The following SEMA6A variants were observed in gnomAD, a reference collection of about 807,000 sequenced individuals.
The protein encoded by SEMA6A is semaphorin 6A, also known as semaphorin-6A.
In SEMA6A, 25 loss-of-function variants were observed where a neutral mutation model predicts 96.8. The observed-to-expected ratio is 0.26, with a 90% CI of 0.19 to 0.36. The LOEUF (loss-of-function observed/expected upper bound fraction) is 0.36. SEMA6A is among the 10% of genes least tolerant of loss of function. The pLI is 1.00. For missense variants in SEMA6A, 1,363 were observed against 1,323.1 expected (o/e 1.03, Z -0.47); for synonymous variants, 612 against 518.0 (o/e 1.18, Z -2.46).
Position 116,514,357 on chromosome 5 carries a change from G to T in SEMA6A, c.-38-9375C>A, listed in dbSNP as rs191678875. ...TGGTATCTGATTGTGGTTTTGATTTGCATTTCTCTAATGATCAGTGATTTT... is the reference window on the plus strand; with the variant it reads ...TGGTATCTGATTGTGGTTTTGATTTTCATTTCTCTAATGATCAGTGATTTT... On this transcript the variant is annotated intron_variant, in intron 1 of 18. Coordinates refer to ENST00000343348, the MANE Select transcript of SEMA6A (RefSeq NM_020796.5). Among the ~76,000 whole-genome samples the T allele has an allele frequency of 3.6e-3, 546 of 151,824 alleles. 3 individuals are homozygous for T. The highest frequency in any genetic ancestry group is 5.4e-3 in the Non-Finnish European group (366 of 67,926).
At chr5:116,572,632 T>G (rs1225029359) in intron 1 of SEMA6A, among the ~76,000 whole-genome samples, 4 of 152,182 alleles carry the variant, frequency 2.6e-5, no homozygotes, top group African/African-American at 9.6e-5. Flanking sequence ...CACACGCACC[T>G]TCCCCACAGC....
chr5:116,475,196 C>T lies in SEMA6A; in HGVS notation c.1708+349G>A, dbSNP rs984555531. Among the ~76,000 whole-genome samples, 9 of 152,146 alleles carry T rather than the reference C, an allele frequency of 5.9e-5. No individual in the cohort carries two copies. In the South Asian group the frequency reaches 6.2e-4, roughly 11 times the overall value. On this transcript the variant is annotated intron_variant, in intron 16 of 18. Transcript: ENST00000343348. ...AATGATCAATCTTATTATTATTTGG[C>T]GGAAAATGACAGTATAAAAGCATGT...
chr5:116,510,976 G>A (rs1010594436), intron 1 of SEMA6A, among the ~76,000 whole-genome samples: 3 of 152,194 alleles, frequency 2.0e-5, no homozygotes, highest in East Asian at 1.9e-4. Flanking sequence ...GCAACCCAGA[G>A]AGACAGGCCT....
At chr5:116,522,816 C>T (rs1390525149) in intron 1 of SEMA6A, among the ~76,000 whole-genome samples, 1 of 152,048 alleles carries the variant, frequency 6.6e-6, no homozygotes, top group East Asian at 1.9e-4. Flanking sequence ...TCTTCCTGTT[C>T]ATTTCCTATG....
At position 116,495,482 on chromosome 5, in the gene SEMA6A, T is replaced by C. The variant is rs763011339; in HGVS notation, c.375A>G (p.Leu125=). The C allele has an allele frequency of 1.9e-6, 3 of 1,606,422 alleles. No homozygotes were observed. In the Admixed American group the frequency reaches 5.1e-5, roughly 27 times the overall value. The part of the protein sequence containing the change: ...DECHNFIKVL[L]KKNDDALFVC... ...CAAACAATGCATCATCGTTTTTCTTTAGAAGAACTTTAATAAAGTTGTGGC... is the reference window on the plus strand; with the variant it reads ...CAAACAATGCATCATCGTTTTTCTTCAGAAGAACTTTAATAAAGTTGTGGC... Residue 125 remains leucine, a synonymous_variant, in exon 6 of 19, where the codon CTA becomes CTG. Transcript: ENST00000343348.
rs1036766659 is a variant in SEMA6A, at chr5:116,487,947, C to T, written c.744+161G>A. Reference sequence around the variant, plus strand: ...ATAGAAATACTTAAGAAATTTCCTGCGATTTCGTTACTGTTCTGAAACAGC... The same window carrying T: ...ATAGAAATACTTAAGAAATTTCCTGTGATTTCGTTACTGTTCTGAAACAGC... On this transcript the variant is annotated intron_variant, in intron 9 of 18. Coordinates refer to ENST00000343348, the MANE Select transcript of SEMA6A (RefSeq NM_020796.5). 1.1e-4 allele frequency among the ~76,000 whole-genome samples: 17 copies of T among 152,262 alleles called. No homozygotes were observed. The East Asian group carries it at 1.3e-3, about 12-fold the overall frequency.
intron 18 of SEMA6A, among the ~76,000 whole-genome samples, chr5:116,451,302 G>A (rs1473971825): frequency 6.6e-6 from 1 of 152,212 alleles, no homozygotes; most frequent in Non-Finnish European, 1.5e-5. Context: ...CTCACAGAGG[G>A]CTTCCAAGTG....
At chr5:116,534,384 A>C (rs185671846) in intron 1 of SEMA6A, among the ~76,000 whole-genome samples, 540 of 152,312 alleles carry the variant, frequency 3.5e-3, no homozygotes, top group Non-Finnish European at 6.0e-3. Context: ...TACATGGCTC[A>C]CAACTCTGAT....
At position 116,480,248 on chromosome 5, in the gene SEMA6A, A is replaced by G; in HGVS notation, c.1124T>C (p.Leu375Ser). The stretch of plus-strand genomic sequence containing the variant: ...CTCATTGGAGGTTGCATATCTTTCT[A>G]AGGAGGATGAGCCAGCACAGCAACC... ...RPGCCAGSSS[L>S]ERYATSNEFP... The change falls in exon 12 of 19, where the codon TTA becomes TCA. Residue 375 changes from leucine (L) to serine (S), a missense_variant. Around this residue, in one of 2 missense-constraint regions of SEMA6A, gnomAD observed 480 missense variants for 559.5 expected, o/e 0.86. Coordinates refer to ENST00000343348, the MANE Select transcript of SEMA6A (RefSeq NM_020796.5). The G allele has an allele frequency of 1.9e-6, 3 of 1,613,806 alleles. No individual in the cohort carries two copies. The highest frequency in any genetic ancestry group is 2.2e-5 in the South Asian group (2 of 91,076).
At chr5:116,531,437 GT>G (rs1312861880) in intron 1 of SEMA6A, among the ~76,000 whole-genome samples, 1 of 152,046 alleles carries the variant, frequency 6.6e-6, no homozygotes, top group Non-Finnish European at 1.5e-5. Context: ...AATCTACCTT[GT>G]GTAAAGGCCC....
At chr5:116,528,814 T>C (rs1759340857) in intron 1 of SEMA6A, among the ~76,000 whole-genome samples, 1 of 152,208 alleles carries the variant, frequency 6.6e-6, no homozygotes, top group Non-Finnish European at 1.5e-5. Flanking sequence ...GCTCTATAAT[T>C]ATATCCAGCC....
intron 1 of SEMA6A, among the ~76,000 whole-genome samples, chr5:116,560,943 T>C (rs977348256): frequency 1.3e-5 from 2 of 152,176 alleles, no homozygotes; most frequent in East Asian, 3.9e-4. Context: ...CACTTCTATG[T>C]AATAGGAAAA....
intron 1 of SEMA6A, among the ~76,000 whole-genome samples, chr5:116,541,139 T>C (rs1239806661): frequency 1.3e-5 from 2 of 151,974 alleles, no homozygotes; most frequent in African/African-American, 4.8e-5. Flanking sequence ...CGGTGATGGG[T>C]GTTGGGGTGG....
At chr5:116,553,037 C>G (rs1760479619) in intron 1 of SEMA6A, among the ~76,000 whole-genome samples, 1 of 152,044 alleles carries the variant, frequency 6.6e-6, no homozygotes, top group African/African-American at 2.4e-5. Flanking sequence ...GGACACTTCT[C>G]CATTTAGAAA....
At chr5:116,479,091 T>A (rs1327045462) in intron 12 of SEMA6A, among the ~76,000 whole-genome samples, 1 of 152,192 alleles carries the variant, frequency 6.6e-6, no homozygotes, top group African/African-American at 2.4e-5. Context: ...TCATTTAACC[T>A]TTAATTTAAC....
rs1214353059 is a variant in SEMA6A, at chr5:116,447,040, C to T, written c.2666G>A (p.Gly889Asp). 5 of 1,613,788 alleles carry T rather than the reference C, an allele frequency of 3.1e-6. No individual in the cohort carries two copies. Among genetic ancestry groups the T allele is most frequent in the Non-Finnish European group, 4.2e-6 (5 of 1,179,874 alleles). ...CTGAGACAGGGAGGCTCCCGGGGGA[C>T]CCAGGGAGGCCTCCCGCTGTGGAAC... ...PKVPQREASL[G>D]PPGASLSQTG... The change falls in exon 19 of 19, where the codon GGT (glycine) becomes GAT (aspartate). Residue 889 changes from glycine to aspartate, a missense_variant. Physicochemically the swap from Gly to Asp is moderately conservative, Grantham distance 94. Coordinates refer to ENST00000343348, the MANE Select transcript of SEMA6A (RefSeq NM_020796.5).
chr5:116,541,596 G>A (rs1027773772), intron 1 of SEMA6A, among the ~76,000 whole-genome samples: 20 of 152,326 alleles, frequency 1.3e-4, no homozygotes, highest in African/African-American at 4.8e-4. Context: ...ACTTTGGGAA[G>A]CTGAGGTGAG....
intron 11 of SEMA6A, 53 bp from the exon 12 acceptor site, chr5:116,480,330 C>T: frequency 6.2e-7 from 1 of 1,600,590 alleles, no homozygotes. Flanking sequence ...TGCCTTATGG[C>T]AAATTCTTTG....
rs75357911 is a variant in SEMA6A, at chr5:116,505,561, T to A, written c.-38-579A>T. Among the ~76,000 whole-genome samples, 1,481 of 152,200 alleles carry A rather than the reference T, an allele frequency of 9.7e-3. 22 individuals carry two copies. Among genetic ancestry groups the A allele is most frequent in the African/African-American group, 0.034 (1,416 of 41,526 alleles). ...TTGAGATATTCACCCCTGACTTATGTCATTCTACAGTGACTTAGGCATAAA... is the reference window on the plus strand; with the variant it reads ...TTGAGATATTCACCCCTGACTTATGACATTCTACAGTGACTTAGGCATAAA... On this transcript the variant is annotated intron_variant, in intron 1 of 18. Transcript: ENST00000343348.
Sources: gnomAD v4.1 joint callset for allele counts (sites outside exome capture counted in the v4.1 genomes callset) on GRCh38, gnomAD v4.1.1 for gene constraint, gnomAD v4.1.1 regional missense constraint, MANE v1.5 for transcripts, NCBI Gene and HGNC (gene_info 2026-07-23, HGNC 2026-07-21) for gene names.